PCDHA10: variants seen among roughly 807,000 people sequenced by gnomAD.
The protein encoded by PCDHA10 is protocadherin alpha 10, also known as protocadherin alpha-10.
Under a neutral mutation model 61.2 loss-of-function variants are expected in PCDHA10, and 45 were observed. That is an observed-to-expected ratio of 0.74 (90% CI 0.58 to 0.94). The LOEUF is 0.94. Ranked by LOEUF, PCDHA10 falls within the 40% of genes least tolerant of loss-of-function variation. The probability of loss-of-function intolerance (pLI) is 0.00; values close to 1 mark genes in which losing one functional copy is unlikely to be tolerated. For synonymous variants in PCDHA10, 602 were observed against 548.8 expected (o/e 1.10, Z -1.35); for missense variants, 1,278 against 1,236.2 (o/e 1.03, Z -0.51).
intron 3 of PCDHA10, among the ~76,000 whole-genome samples, chr5:140,990,983 A>G (rs3776109): frequency 0.049 from 7,423 of 152,298 alleles, 240 homozygotes; most frequent in South Asian, 0.11. Flanking sequence ...AAAGGAAGAC[A>G]ATAGCTACCA....
chr5:140,966,960 T>C, intron 1 of PCDHA10: 1 of 1,603,106 alleles, frequency 6.2e-7, no homozygotes, highest in Non-Finnish European at 8.5e-7. Context: ...GCTCGCGCGC[T>C]GGGGCTTGAG....
chr5:140,916,161 G>C (rs1469456505), intron 1 of PCDHA10, among the ~76,000 whole-genome samples: 2 of 152,084 alleles, frequency 1.3e-5, no homozygotes, highest in African/African-American at 2.4e-5. Flanking sequence ...GGTGAATGCT[G>C]CCAGGCCTGG....
chr5:140,923,206 A>G (rs2081227659), intron 1 of PCDHA10, among the ~76,000 whole-genome samples: 1 of 152,172 alleles, frequency 6.6e-6, no homozygotes, highest in South Asian at 2.1e-4. Flanking sequence ...TTGGGAGGCT[A>G]AGGTGAAAGG....
chr5:141,007,395 CAAAAAA>C (rs35800918), intron 3 of PCDHA10, among the ~76,000 whole-genome samples: 3 of 94,844 alleles, frequency 3.2e-5, no homozygotes, highest in East Asian at 2.9e-4. Flanking sequence ...TACTAAAATA[CAAAAAA>C]AAAAAAAAAA....
chr5:140,889,259 G>C (rs371831027), intron 1 of PCDHA10, among the ~76,000 whole-genome samples: 37 of 151,916 alleles, frequency 2.4e-4, no homozygotes, highest in African/African-American at 6.7e-4. Context: ...TCCTGTAAAA[G>C]TTTGTATAAT....
chr5:140,918,423 G>A (rs1450010103), intron 1 of PCDHA10, among the ~76,000 whole-genome samples: 2 of 152,076 alleles, frequency 1.3e-5, no homozygotes, highest in Admixed American at 1.3e-4. Context: ...CTTCCAGTAG[G>A]ATGTTGAATA....
chr5:140,941,564 C>T (rs1352264408), intron 1 of PCDHA10, among the ~76,000 whole-genome samples: 2 of 151,992 alleles, frequency 1.3e-5, no homozygotes, highest in Non-Finnish European at 2.9e-5. Flanking sequence ...ATCCATTCGC[C>T]TCAGCCTCCC....
intron 1 of PCDHA10, chr5:140,875,349 C>G: frequency 6.9e-7 from 1 of 1,444,894 alleles, no homozygotes; most frequent in Non-Finnish European, 9.1e-7. Flanking sequence ...TCCATAATGA[C>G]TGTGATGCTG....
chr5:140,876,195 G>T lies in PCDHA10; in HGVS notation c.2388+17759G>T, dbSNP rs1554168359. On this transcript the variant is annotated intron_variant, in intron 1 of 3. Transcript: ENST00000307360. The stretch of plus-strand genomic sequence containing the variant: ...TGGATGTGAATGACAATGGTCCGGC[G>T]TTTGATAAGCCCAGCTATAAAGTAG... 4 of 1,613,946 alleles carry T rather than the reference G, an allele frequency of 2.5e-6. No homozygotes were observed. In the South Asian group the frequency reaches 4.4e-5, roughly 18 times the overall value.
chr5:140,941,202 C>CCTTCCTTTCTTTCTTTCTTT lies in PCDHA10; in HGVS notation c.2389-37744_2389-37743insCCTTTCTTTCTTTCTTTCTT, dbSNP rs1554213920. 2.0e-4 allele frequency among the ~76,000 whole-genome samples: 24 copies of CCTTCCTTTCTTTCTTTCTTT among 122,828 alleles called. 1 individual carries two copies. Among genetic ancestry groups the CCTTCCTTTCTTTCTTTCTTT allele is most frequent in the Non-Finnish European group, 2.3e-4 (13 of 55,838 alleles). The allele number at this position is 122,828 out of a possible 152,430, so 80.6% of individuals were successfully genotyped here. A position where few individuals can be genotyped will look rare whatever the true frequency, so the allele number is the denominator to read the frequency against. ...TCCTGCTTCTTTTTTTTTCTTTCTTCCTTTCTTTCTTCCTTTCTTTCTTTC... is the reference window on the plus strand; with the variant it reads ...TCCTGCTTCTTTTTTTTTCTTTCTTCCTTCCTTTCTTTCTTTCTTTCTTTCTTTCTTCCTTTCTTTCTTTC... On this transcript the variant is annotated intron_variant, in intron 1 of 3. Coordinates refer to ENST00000307360, the MANE Select transcript of PCDHA10 (RefSeq NM_018901.4).
At chr5:140,967,252 G>A (rs199714982) in intron 1 of PCDHA10, 1 of 1,613,504 alleles carries the variant, frequency 6.2e-7, no homozygotes, top group Non-Finnish European at 8.5e-7. Flanking sequence ...AATCGGTGGC[G>A]CCTGGAGCGC....
intron 1 of PCDHA10, among the ~76,000 whole-genome samples, chr5:140,941,241 TTCTTTCTTTCTTTC>T (rs1247398838): frequency 5.8e-4 from 81 of 140,456 alleles, no homozygotes; most frequent in African/African-American, 2.0e-3. Flanking sequence ...CTTTCTTTCT[TTCTTTCTTTCTTTC>T]TCTTTCTTTC....
At chr5:140,863,326 G>A (rs782427157) in intron 1 of PCDHA10, 10 of 1,432,588 alleles carry the variant, frequency 7.0e-6, no homozygotes, top group Non-Finnish European at 9.5e-6. Flanking sequence ...CAGCCTGTTA[G>A]TGCTCACGTT....
In PCDHA10 at chr5:141,012,192, T is replaced by TA. The variant is rs1424309622; in HGVS notation, c.*2256dup. 1 of 153,796 alleles carries TA rather than the reference T, an allele frequency of 6.5e-6. No homozygotes were observed. The highest frequency in any genetic ancestry group is 6.5e-5 in the Admixed American group (1 of 15,282). The allele number at this position is 153,796 out of a possible 1,614,324, so 9.5% of individuals were successfully genotyped here. ...AATGATGATAATTATAATGTATCTGTACAGCACTTTTTACATTTGCGAAGT... is the reference window on the plus strand; with the variant it reads ...AATGATGATAATTATAATGTATCTGTAACAGCACTTTTTACATTTGCGAAGT... On this transcript the variant is annotated 3_prime_UTR_variant, in exon 4 of 4. Transcript: ENST00000307360.
intron 3 of PCDHA10, among the ~76,000 whole-genome samples, chr5:141,008,506 T>G (rs1362141784): frequency 5.9e-5 from 9 of 152,202 alleles, no homozygotes; most frequent in African/African-American, 2.2e-4. Context: ...CTTTATGGTG[T>G]GTCTTCCAAT....
intron 1 of PCDHA10, among the ~76,000 whole-genome samples, chr5:140,946,311 T>C (rs896667905): frequency 6.6e-6 from 1 of 151,784 alleles, no homozygotes; most frequent in Non-Finnish European, 1.5e-5. Flanking sequence ...AGAATGGCTA[T>C]TATTGAAAGA....
At chr5:140,905,986 T>G (rs2072268646) in intron 1 of PCDHA10, among the ~76,000 whole-genome samples, 1 of 152,198 alleles carries the variant, frequency 6.6e-6, no homozygotes, top group Non-Finnish European at 1.5e-5. Flanking sequence ...GGGAGAAAGA[T>G]GTAGGCTGGG....
chr5:140,882,966 T>C (rs201472469), intron 1 of PCDHA10: 3 of 1,614,202 alleles, frequency 1.9e-6, no homozygotes, highest in Non-Finnish European at 8.5e-7. Context: ...ATCACGATTC[T>C]GGACGTGAAT....
At chr5:140,885,203 C>A (rs1348633653) in intron 1 of PCDHA10, among the ~76,000 whole-genome samples, 2 of 151,986 alleles carry the variant, frequency 1.3e-5, no homozygotes, top group African/African-American at 2.4e-5. Flanking sequence ...TCTCATATAT[C>A]CCATGAAAAA....
Sources: allele counts gnomAD v4.1 joint callset (sites outside exome capture counted in the v4.1 genomes callset), GRCh38; gene constraint gnomAD v4.1.1; transcripts MANE v1.5; gene names NCBI Gene and HGNC (gene_info 2026-07-23, HGNC 2026-07-21).